The following KIF13B variants were observed in gnomAD, a reference collection of about 807,000 sequenced individuals.
KIF13B encodes the protein kinesin family member 13B.
KIF13B carries 127 observed loss-of-function variants against 222.0 expected under a neutral mutation model. The observed-to-expected ratio is 0.57, with a 90% CI of 0.50 to 0.66. The LOEUF (loss-of-function observed/expected upper bound fraction) is 0.66, where lower values mean the gene tolerates loss of function less well. Ranked by LOEUF, KIF13B falls within the 30% of genes least tolerant of loss-of-function variation. The probability of loss-of-function intolerance (pLI) is 0.00; values close to 1 mark genes in which losing one functional copy is unlikely to be tolerated. For missense variants in KIF13B, 2,173 were observed against 2,379.0 expected (o/e 0.91, Z 1.80); for synonymous variants, 976 against 919.0 (o/e 1.06, Z -1.12).
intron 1 of KIF13B, among the ~76,000 whole-genome samples, chr8:29,259,330 C>T (rs960434310): frequency 6.6e-6 from 1 of 152,172 alleles, no homozygotes; most frequent in Non-Finnish European, 1.5e-5. Context: ...AAATAAATTT[C>T]TTGTCCATTC....
chr8:29,167,101 T>C (rs1024962473), intron 11 of KIF13B, among the ~76,000 whole-genome samples: 6 of 152,190 alleles, frequency 3.9e-5, no homozygotes, highest in African/African-American at 1.4e-4. Flanking sequence ...CTATTATACC[T>C]CTCTCTTTTG....
chr8:29,119,175 G>T (rs1809741107), intron 29 of KIF13B, among the ~76,000 whole-genome samples, 183 bp from the exon 30 acceptor site: 1 of 152,140 alleles, frequency 6.6e-6, no homozygotes, highest in African/African-American at 2.4e-5. Context: ...ATAAGAAAGT[G>T]CCTCAAAAAA....
intron 16 of KIF13B, 31 bp from the exon 17 acceptor site, chr8:29,147,633 C>T (rs745351989): frequency 5.4e-6 from 8 of 1,480,822 alleles, no homozygotes; most frequent in Admixed American, 3.4e-5. Context: ...GATACATGAT[C>T]GAGAGTTACA....
chr8:29,248,495 A>C (rs572186706), intron 1 of KIF13B, among the ~76,000 whole-genome samples: 10 of 152,352 alleles, frequency 6.6e-5, no homozygotes, highest in Admixed American at 5.9e-4. Flanking sequence ...AGAAGGCGAA[A>C]GGCACATCTC....
chr8:29,209,204 G>T (rs1457799152), intron 2 of KIF13B, among the ~76,000 whole-genome samples: 1 of 152,158 alleles, frequency 6.6e-6, no homozygotes, highest in Non-Finnish European at 1.5e-5. Flanking sequence ...AAAACCAGAT[G>T]AGAGGCACCA....
At chr8:29,196,103 C>T in intron 3 of KIF13B, 84 bp downstream of exon 3, 1 of 1,159,260 alleles carries the variant, frequency 8.6e-7, no homozygotes, top group South Asian at 1.4e-5. Flanking sequence ...AAATATTTTC[C>T]TTTTTGAGAA....
At chr8:29,180,025 C>G in intron 8 of KIF13B, 79 bp downstream of exon 8, 1 of 1,521,786 alleles carries the variant, frequency 6.6e-7, no homozygotes. Context: ...TTTAATTCAT[C>G]TAACACCTGA....
chr8:29,176,529 A>G (rs1186983450), intron 9 of KIF13B, among the ~76,000 whole-genome samples: 4 of 152,238 alleles, frequency 2.6e-5, no homozygotes, highest in African/African-American at 4.8e-5. Context: ...ATTCAATAAT[A>G]GGATAGCATC....
Position 29,071,603 on chromosome 8 carries a change from G to A in KIF13B, c.5218+17C>T. The A allele has an allele frequency of 1.3e-6, 2 of 1,544,014 alleles. No individual in the cohort carries two copies. The highest frequency in any genetic ancestry group is 1.7e-6 in the Non-Finnish European group (2 of 1,144,446). ...ACCCCCGGCACCACCCTGGAGCCCG[G>A]AGTGCCCGGTACCCACCTGAGGGCA... On this transcript the variant is annotated intron_variant, in intron 39 of 39. Transcript: ENST00000524189. This position sits in a 1 kb window ranked among gnomAD's most constrained non-coding sequence, Gnocchi z 4.9.
At chr8:29,162,181 T>C (rs1011305303) in intron 12 of KIF13B, among the ~76,000 whole-genome samples, 1 of 152,104 alleles carries the variant, frequency 6.6e-6, no homozygotes, top group Non-Finnish European at 1.5e-5. Flanking sequence ...AATGAGTCAA[T>C]CACCCAAGAC....
chr8:29,116,293 C>A (rs192410543), intron 31 of KIF13B, among the ~76,000 whole-genome samples: 5 of 152,294 alleles, frequency 3.3e-5, no homozygotes, highest in Non-Finnish European at 7.3e-5. Context: ...CATGGCGAGA[C>A]CCCGTCTCCA....
chr8:29,121,604 TAGA>T (rs1399618341), intron 29 of KIF13B, among the ~76,000 whole-genome samples: 2 of 129,316 alleles, frequency 1.5e-5, no homozygotes, highest in Non-Finnish European at 3.2e-5. Flanking sequence ...ATAAAAACCC[TAGA>T]AGAAAACCTA....
intron 35 of KIF13B, among the ~76,000 whole-genome samples, chr8:29,107,557 AGTTTCTTTT>A (rs1809134812): frequency 6.9e-6 from 1 of 145,122 alleles, no homozygotes. Context: ...TCTAATTTGA[AGTTTCTTTT>A]TTTTTTTTTT....
chr8:29,166,481 C>A (rs771746234), intron 11 of KIF13B, among the ~76,000 whole-genome samples: 13 of 152,066 alleles, frequency 8.5e-5, no homozygotes, highest in Non-Finnish European at 1.3e-4. Context: ...GGCGTATCAC[C>A]TGAGGTCAGG....
At chr8:29,118,772 A>C in intron 30 of KIF13B, 96 bp downstream of exon 30, 1 of 1,250,282 alleles carries the variant, frequency 8.0e-7, no homozygotes, top group East Asian at 2.3e-5. Flanking sequence ...GAGAAATGTA[A>C]AGTACTGGCA....
Position 29,067,797 on chromosome 8 carries a change from A to C in KIF13B, c.*2707T>G, listed in dbSNP as rs1807065753. Reference sequence around the variant, plus strand: ...ACTCCTCCACCTCTCAGGCTCCAGCAGTCACATTCCCAGCTCCGTTCTCTT... The same window carrying C: ...ACTCCTCCACCTCTCAGGCTCCAGCCGTCACATTCCCAGCTCCGTTCTCTT... On this transcript the variant is annotated 3_prime_UTR_variant, in exon 40 of 40. Coordinates refer to ENST00000524189, the MANE Select transcript of KIF13B (RefSeq NM_015254.4). 6.6e-6 allele frequency: 1 copy of C among 152,534 alleles called. No individual in the cohort carries two copies. The highest frequency in any genetic ancestry group is 6.5e-5 in the Admixed American group (1 of 15,290). The allele number at this position is 152,534 out of a possible 1,614,324, so 9.4% of individuals were successfully genotyped here. A position where few individuals can be genotyped will look rare whatever the true frequency, so the allele number is the denominator to read the frequency against.
chr8:29,117,067 T>C (rs1809639129), intron 30 of KIF13B, 60 bp from the exon 31 acceptor site: 1 of 1,460,384 alleles, frequency 6.8e-7, no homozygotes, highest in Non-Finnish European at 9.2e-7. Flanking sequence ...GAAAACTCTT[T>C]CAAGGAAACC....
At chr8:29,167,256 G>T in intron 11 of KIF13B, 117 bp downstream of exon 11, 1 of 762,202 alleles carries the variant, frequency 1.3e-6, no homozygotes. Context: ...CTTGCTGTAA[G>T]AAATTCGCAA....
At chr8:29,114,197 G>A (rs1017651576) in intron 31 of KIF13B, among the ~76,000 whole-genome samples, 45 of 152,226 alleles carry the variant, frequency 3.0e-4, no homozygotes, top group African/African-American at 9.4e-4. Flanking sequence ...AGGGAACAAA[G>A]GTAAAGGGGA....
Sources: gnomAD v4.1 joint callset for allele counts (sites outside exome capture counted in the v4.1 genomes callset) on GRCh38, gnomAD v4.1.1 for gene constraint, Gnocchi (gnomAD v3.1) non-coding constraint, MANE v1.5 for transcripts, NCBI Gene and HGNC (gene_info 2026-07-23, HGNC 2026-07-21) for gene names.